Variants in CDC25A observed in about 807,000 individuals in gnomAD.
The protein encoded by CDC25A is M-phase inducer phosphatase 1.
A neutral mutation model predicts 64.6 loss-of-function variants in CDC25A; 17 were observed. The observed-to-expected ratio is 0.26, with a 90% CI of 0.18 to 0.39. The LOEUF is 0.39. CDC25A is among the 10% of genes least tolerant of loss of function. The pLI is 1.00. For synonymous variants in CDC25A, 229 were observed against 238.6 expected, an observed-to-expected ratio of 0.96 and a Z score of 0.37; for missense variants, 473 against 654.8, an observed-to-expected ratio of 0.72 and a Z score of 3.03.
intron 14 of CDC25A, 115 bp downstream of exon 14, chr3:48,159,229 A>C: frequency 1.6e-6 from 2 of 1,265,378 alleles, no homozygotes; most frequent in East Asian, 2.3e-5. Context: ...TGGGTTCAGC[A>C]GATACCCACC....
chr3:48,185,358 G>A (rs2032809235), intron 2 of CDC25A, among the ~76,000 whole-genome samples: 1 of 148,612 alleles, frequency 6.7e-6, no homozygotes, highest in Admixed American at 6.8e-5. Context: ...TGAAGCTACA[G>A]TGAACCCTGA....
intron 9 of CDC25A, among the ~76,000 whole-genome samples, chr3:48,168,408 A>ACACACACACACACACACAC (rs2032132091): frequency 1.4e-5 from 2 of 144,328 alleles, no homozygotes; most frequent in Non-Finnish European, 3.1e-5. Flanking sequence ...ACACACACAC[A>ACACACACACACACACACAC]AGCTGGGCAT....
intron 6 of CDC25A, among the ~76,000 whole-genome samples, chr3:48,179,622 C>T (rs2032589084): frequency 6.6e-6 from 1 of 152,176 alleles, no homozygotes; most frequent in Non-Finnish European, 1.5e-5. Flanking sequence ...CCACCTCGGC[C>T]TCCCAAAGTG....
At chr3:48,160,936 G>A (rs772233264) in intron 13 of CDC25A, among the ~76,000 whole-genome samples, 25 of 151,382 alleles carry the variant, frequency 1.7e-4, no homozygotes, top group East Asian at 3.9e-4. Context: ...GGTGGATCAC[G>A]AGGTCAGGAG....
intron 2 of CDC25A, among the ~76,000 whole-genome samples, chr3:48,186,442 G>T (rs1326791456): frequency 6.6e-6 from 1 of 152,060 alleles, no homozygotes; most frequent in Non-Finnish European, 1.5e-5. Flanking sequence ...GGTGGTGCAT[G>T]CCTGTAATCC....
rs2031595749 is a variant in CDC25A at position 48,158,122 on chromosome 3, G to A, written c.*823C>T. Reference sequence around the variant, plus strand: ...GGCTCCTATACCAGCCAATGTCATGGAACTGGGGTGAGGAAGAACAGGGCC... The same window carrying A: ...GGCTCCTATACCAGCCAATGTCATGAAACTGGGGTGAGGAAGAACAGGGCC... On this transcript the variant is annotated 3_prime_UTR_variant, in exon 15 of 15. Transcript: ENST00000302506. The A allele has an allele frequency of 6.6e-6, 1 of 152,572 alleles. No homozygotes were observed. The highest frequency in any genetic ancestry group is 2.4e-5 in the African/African-American group (1 of 41,420). 9.5% of individuals were successfully genotyped at this position (152,572 alleles called of 1,614,324 possible). A position where few individuals can be genotyped will look rare whatever the true frequency, so the allele number is the denominator to read the frequency against.
chr3:48,180,294 T>C (rs1204263618), intron 6 of CDC25A: 1 of 153,038 alleles, frequency 6.5e-6, no homozygotes, highest in African/African-American at 2.4e-5. Context: ...GCACTTAGAA[T>C]GCATAGTAAA....
intron 13 of CDC25A, among the ~76,000 whole-genome samples, chr3:48,161,915 G>C (rs1208389742): frequency 6.6e-6 from 1 of 152,028 alleles, no homozygotes; most frequent in Non-Finnish European, 1.5e-5. Flanking sequence ...ACAAACATTA[G>C]CTTGGCATGG....
intron 2 of CDC25A, among the ~76,000 whole-genome samples, chr3:48,185,468 A>C (rs1463594996): frequency 6.6e-6 from 1 of 150,972 alleles, no homozygotes; most frequent in Non-Finnish European, 1.5e-5. Context: ...TCACCCCTGT[A>C]ATCTCAGCAC....
intron 8 of CDC25A, among the ~76,000 whole-genome samples, chr3:48,175,301 A>G (rs1345682804): frequency 1.3e-5 from 2 of 152,078 alleles, no homozygotes; most frequent in African/African-American, 2.4e-5. Context: ...CTGTCTCAAT[A>G]AATAAATAAA....
At chr3:48,161,625 C>T (rs1318212923) in intron 13 of CDC25A, among the ~76,000 whole-genome samples, 2 of 152,200 alleles carry the variant, frequency 1.3e-5, no homozygotes, top group East Asian at 3.9e-4. Flanking sequence ...GGGAGAATCA[C>T]TTGAGCCTGG....
chr3:48,159,678 C>T (rs923633230), intron 13 of CDC25A, among the ~76,000 whole-genome samples: 1 of 152,176 alleles, frequency 6.6e-6, no homozygotes, highest in Non-Finnish European at 1.5e-5. Context: ...TTTCCTTTCT[C>T]CAACAATCCT....
At chr3:48,180,611 C>A in intron 6 of CDC25A, 110 bp downstream of exon 6, 1 of 1,136,524 alleles carries the variant, frequency 8.8e-7, no homozygotes, top group Non-Finnish European at 1.2e-6. Flanking sequence ...AAGACAAAGT[C>A]AAGGTAAAAA....
intron 9 of CDC25A, among the ~76,000 whole-genome samples, chr3:48,170,294 C>CA (rs1471604342): frequency 6.6e-6 from 1 of 152,170 alleles, no homozygotes; most frequent in African/African-American, 2.4e-5. Flanking sequence ...GCCCAGTCCT[C>CA]AAAACCACAC....
chr3:48,186,531 T>C (rs2032849649), intron 2 of CDC25A, among the ~76,000 whole-genome samples, 172 bp downstream of exon 2: 1 of 149,782 alleles, frequency 6.7e-6, no homozygotes, highest in African/African-American at 2.5e-5. Flanking sequence ...ATCATGCCAT[T>C]GCACTCCAGC....
intron 13 of CDC25A, among the ~76,000 whole-genome samples, chr3:48,162,664 G>A (rs2031824803): frequency 6.6e-6 from 1 of 151,774 alleles, no homozygotes; most frequent in African/African-American, 2.4e-5. Context: ...TGGCTAAAAT[G>A]GTGAAACCCT....
rs2032519810 is a variant in CDC25A at position 48,177,841 on chromosome 3, AC to A, written c.684+12del. On this transcript the variant is annotated intron_variant, in intron 7 of 14. Coordinates refer to ENST00000302506, the MANE Select transcript of CDC25A (RefSeq NM_001789.3). Reference sequence around the variant, plus strand: ...GTAGAACAAATAGGAACACACACACACACACACGGTACCTTCAGATTCTCTC... The same window carrying A: ...GTAGAACAAATAGGAACACACACACAACACACGGTACCTTCAGATTCTCTC... The A allele has an allele frequency of 3.7e-6, 6 of 1,613,790 alleles. No individual in the cohort carries two copies. Among genetic ancestry groups the A allele is most frequent in the South Asian group, 1.1e-5 (1 of 91,072 alleles).
chr3:48,164,658 G>T (rs3731553), intron 12 of CDC25A, among the ~76,000 whole-genome samples: 7,217 of 152,040 alleles, frequency 0.047, 262 homozygotes, highest in Non-Finnish European at 0.072. Context: ...ATGCACATGG[G>T]GACTGGAAAT....
intron 12 of CDC25A, 151 bp from the exon 13 acceptor site, chr3:48,164,588 C>T (rs2031923337): frequency 1.7e-6 from 1 of 604,314 alleles, no homozygotes; most frequent in Non-Finnish European, 2.6e-6. Context: ...GCCCAGTAGA[C>T]CATTTGGCAC....
Sources: allele counts gnomAD v4.1 joint callset (sites outside exome capture counted in the v4.1 genomes callset), GRCh38; gene constraint gnomAD v4.1.1; transcripts MANE v1.5; gene names NCBI Gene and HGNC (gene_info 2026-07-23, HGNC 2026-07-21).